The following DRICH1 variants were observed in gnomAD, a reference collection of about 807,000 sequenced individuals.
The protein encoded by DRICH1 is aspartate rich 1, also known as aspartate-rich protein 1.
A neutral mutation model predicts 39.5 loss-of-function variants in DRICH1; 38 were observed. That is an observed-to-expected ratio of 0.96 (90% CI 0.74 to 1.26). DRICH1 has a LOEUF of 1.26. Ranked by LOEUF, DRICH1 falls within the 50% of genes most tolerant of loss-of-function variation. The probability of loss-of-function intolerance (pLI) is 0.00; values close to 1 mark genes in which losing one functional copy is unlikely to be tolerated. For synonymous variants in DRICH1, 84 were observed against 99.5 expected (o/e 0.84, Z 0.93); for missense variants, 279 against 270.4 (o/e 1.03, Z -0.22).
At chr22:23,601,919 G>A in the DRICH1 span, among the ~76,000 whole-genome samples, 1 of 152,202 alleles carries the variant, frequency 6.6e-6, no homozygotes, top group African/African-American at 2.4e-5. Flanking sequence ...AGGAACGTAA[G>A]GGCTGAGAGC....
chr22:23,632,399 C>G, upstream of DRICH1: 1 of 294,438 alleles, frequency 3.4e-6, no homozygotes, highest in South Asian at 3.6e-5. Context: ...ACAGCCAGGT[C>G]AGGCTAGTGA....
At position 23,622,176 on chromosome 22, in the gene DRICH1, C is replaced by A; in HGVS notation, c.299G>T (p.Gly100Val). The change falls in exon 4 of 12, where the codon GGT becomes GTT. Residue 100 changes from glycine to valine, a missense_variant and splice_region_variant. By Grantham distance (109) the Gly-to-Val change is moderately radical. Transcript: ENST00000317749. ...DAKILPSPVQ[G>V]SSEDNLSLVC... ...TAAACTCAGGTTGTCCTCAGAAGAACCTGGAAGGACACAGAGGAAAGATCC... is the reference window on the plus strand; with the variant it reads ...TAAACTCAGGTTGTCCTCAGAAGAAACTGGAAGGACACAGAGGAAAGATCC... The A allele has an allele frequency of 1.9e-6, 3 of 1,613,822 alleles. No homozygotes were observed. Among genetic ancestry groups the A allele is most frequent in the Non-Finnish European group, 8.5e-7 (1 of 1,179,744 alleles).
the DRICH1 span, among the ~76,000 whole-genome samples, chr22:23,592,398 G>C: frequency 1.3e-5 from 2 of 152,158 alleles, no homozygotes; most frequent in Non-Finnish European, 2.9e-5. Flanking sequence ...AGACTGGGGG[G>C]GGGCGGTCCA....
chr22:23,604,541 C>T (rs1361399587), downstream of DRICH1, among the ~76,000 whole-genome samples: 2 of 152,138 alleles, frequency 1.3e-5, no homozygotes, highest in African/African-American at 4.8e-5. Flanking sequence ...CCTAGAAGTC[C>T]CTGCAGGACA....
At chr22:23,631,715 G>C (rs1920980547) in intron 1 of DRICH1, 101 bp downstream of exon 1, 4 of 965,574 alleles carry the variant, frequency 4.1e-6, no homozygotes, top group African/African-American at 1.6e-5. Context: ...GGACAGGAGG[G>C]AGCTGGAAGC....
intron 3 of DRICH1, among the ~76,000 whole-genome samples, chr22:23,623,114 C>A (rs953299628): frequency 1.3e-4 from 20 of 152,100 alleles, no homozygotes; most frequent in African/African-American, 4.8e-4. Context: ...TACAAGATAT[C>A]ACAAATTTGG....
At position 23,622,149 on chromosome 22, in the gene DRICH1, A is replaced by T; in HGVS notation, c.326T>A (p.Val109Glu). ...QGSSEDNLSL[V>E]CLPRSEDDDC... ...ATCATCTTCACTTCGTGGTAGGCAT[A>T]CTAAACTCAGGTTGTCCTCAGAAGA... Residue 109 changes from valine (V) to glutamate (E), a missense_variant, in exon 4 of 12, where the codon GTA (valine) becomes GAA (glutamate). Transcript: ENST00000317749. 2 of 1,614,112 alleles carry T rather than the reference A, an allele frequency of 1.2e-6. No homozygotes were observed. Among genetic ancestry groups the T allele is most frequent in the South Asian group, 1.1e-5 (1 of 91,086 alleles).
At position 23,622,124 on chromosome 22, in the gene DRICH1, A is replaced by T. The variant is rs776028816; in HGVS notation, c.351T>A (p.Asp117Glu). Residue 117 changes from aspartate to glutamate, a missense_variant, in exon 4 of 12, where the codon GAT becomes GAA. By Grantham distance (45) the Asp-to-Glu change is conservative. Coordinates refer to ENST00000317749, the MANE Select transcript of DRICH1 (RefSeq NM_016449.4). Reference sequence around the variant, plus strand: ...CATCATCATCATCATCATCACAGTCATCATCTTCACTTCGTGGTAGGCATA... The same window carrying T: ...CATCATCATCATCATCATCACAGTCTTCATCTTCACTTCGTGGTAGGCATA... ...SLVCLPRSED[D>E]DCDDDDDDDA... is the part of the protein sequence containing the mutation. The T allele has an allele frequency of 1.2e-6, 2 of 1,614,022 alleles. No individual in the cohort carries two copies. The highest frequency in any genetic ancestry group is 1.6e-4 in the Middle Eastern group (1 of 6,062).
At chr22:23,617,407 C>T (rs1927423485) in intron 7 of DRICH1, among the ~76,000 whole-genome samples, 168 bp downstream of exon 7, 1 of 152,158 alleles carries the variant, frequency 6.6e-6, no homozygotes, top group South Asian at 2.1e-4. Flanking sequence ...ATATGCTAGG[C>T]TCCTGCTTGG....
At chr22:23,624,858 AAGTG>A (rs1927965515) in intron 3 of DRICH1, 21 bp downstream of exon 3, 1 of 1,610,884 alleles carries the variant, frequency 6.2e-7, no homozygotes, top group African/African-American at 1.3e-5. Flanking sequence ...GTTTCTCAGA[AAGTG>A]AGTTAGTTCA....
chr22:23,599,456 C>CG, the DRICH1 span, among the ~76,000 whole-genome samples: 1,466 of 152,318 alleles, frequency 9.6e-3, 17 homozygotes, highest in South Asian at 0.043. Flanking sequence ...GTCCCCTGCC[C>CG]CTATTAAGGC....
At chr22:23,619,781 C>T (rs1927606895) in intron 5 of DRICH1, among the ~76,000 whole-genome samples, 1 of 152,192 alleles carries the variant, frequency 6.6e-6, no homozygotes, top group Non-Finnish European at 1.5e-5. Context: ...TGCAGTGAGC[C>T]CAGAGTGAAT....
intron 8 of DRICH1, 35 bp from the exon 9 acceptor site, chr22:23,614,249 T>G: frequency 6.6e-7 from 1 of 1,517,644 alleles, no homozygotes; most frequent in South Asian, 1.1e-5. Flanking sequence ...AGTGCACCGG[T>G]GGTTGGTGAC....
chr22:23,588,227 A>G, the DRICH1 span, among the ~76,000 whole-genome samples: 17 of 152,272 alleles, frequency 1.1e-4, no homozygotes, highest in African/African-American at 4.1e-4. Flanking sequence ...CCCAGGTTCA[A>G]GCAATTCTCC....
At chr22:23,583,363 T>C in the DRICH1 span, 1 of 152,308 alleles carries the variant, frequency 6.6e-6, no homozygotes, top group East Asian at 1.9e-4. Flanking sequence ...CAGTGCCATC[T>C]GATGGCTTGT....
chr22:23,620,289 A>T (rs567984451), intron 5 of DRICH1, among the ~76,000 whole-genome samples: 9 of 152,212 alleles, frequency 5.9e-5, no homozygotes, highest in Admixed American at 1.3e-4. Context: ...TGGAAAGGTA[A>T]CCTCTTCCCT....
At chr22:23,605,108 G>C (rs1051291186), downstream of DRICH1, among the ~76,000 whole-genome samples, 1 of 152,130 alleles carries the variant, frequency 6.6e-6, no homozygotes, top group African/African-American at 2.4e-5. Flanking sequence ...CTGACTATGA[G>C]GTCACTGAGA....
chr22:23,627,227 C>T (rs1300998981), intron 1 of DRICH1, among the ~76,000 whole-genome samples: 1 of 151,932 alleles, frequency 6.6e-6, no homozygotes, highest in African/African-American at 2.4e-5. Flanking sequence ...TGTGCGTCAC[C>T]ACACCTGGCT....
chr22:23,618,543 G>C (rs1308227986), intron 6 of DRICH1, among the ~76,000 whole-genome samples: 1 of 151,802 alleles, frequency 6.6e-6, no homozygotes, highest in Non-Finnish European at 1.5e-5. Flanking sequence ...CAAACTTTTG[G>C]GTCCCTGTGA....
Sources: gnomAD v4.1 joint callset for allele counts (sites outside exome capture counted in the v4.1 genomes callset) on GRCh38, gnomAD v4.1.1 for gene constraint, MANE v1.5 for transcripts, NCBI Gene and HGNC (gene_info 2026-07-23, HGNC 2026-07-21) for gene names.